Variants in NLGN4X observed in about 807,000 individuals in gnomAD.
NLGN4X encodes neuroligin-4, X-linked.
A neutral mutation model predicts 40.3 loss-of-function variants in NLGN4X; 3 were observed. The observed-to-expected ratio is 0.07, with a 90% CI of 0.03 to 0.19. The LOEUF is 0.19. Among genes scored for constraint, NLGN4X ranks in the 10% least tolerant of loss-of-function variants. NLGN4X has a pLI of 1.00. For synonymous variants in NLGN4X, 270 were observed against 306.8 expected, an observed-to-expected ratio of 0.88 and a Z score of 1.25; for missense variants, 382 against 708.3, an observed-to-expected ratio of 0.54 and a Z score of 5.23.
intron 3 of NLGN4X, among the ~76,000 whole-genome samples, chrX:5,928,367 C>A (rs772874490): frequency 9.8e-5 from 11 of 111,680 alleles, no homozygotes; most frequent in Non-Finnish European, 2.1e-4. Flanking sequence ...TACATGGACA[C>A]TGAATAAATG....
intron 2 of NLGN4X, among the ~76,000 whole-genome samples, chrX:6,053,743 G>C (rs748780196): frequency 8.9e-6 from 1 of 111,889 alleles, no homozygotes; most frequent in East Asian, 2.8e-4. Context: ...TTCAGTGCCT[G>C]GCACCATGCT....
chrX:6,173,606 G>A (rs2040656074), intron 1 of NLGN4X, among the ~76,000 whole-genome samples: 2 of 112,628 alleles, frequency 1.8e-5, no homozygotes, highest in Admixed American at 1.9e-4. Flanking sequence ...TGCTCAGAGA[G>A]GCCAAGAAGA....
At chrX:6,207,942 T>C (rs1371177449) in intron 1 of NLGN4X, among the ~76,000 whole-genome samples, 1 of 112,166 alleles carries the variant, frequency 8.9e-6, no homozygotes, top group African/African-American at 3.2e-5. Context: ...ATACATCTTT[T>C]AAAAACACAT....
At chrX:6,048,637 A>G (rs768170629) in intron 2 of NLGN4X, among the ~76,000 whole-genome samples, 2 of 111,878 alleles carry the variant, frequency 1.8e-5, no homozygotes, top group African/African-American at 6.5e-5. Context: ...AATGTGGTAC[A>G]TATACACCAT....
chrX:6,118,439 G>A (rs1017471831), intron 2 of NLGN4X, among the ~76,000 whole-genome samples: 1 of 111,632 alleles, frequency 9.0e-6, no homozygotes, highest in Non-Finnish European at 1.9e-5. Flanking sequence ...ACATGGCAAC[G>A]CAATTCTTCC....
At chrX:5,898,043 C>G (rs2031609232) in intron 5 of NLGN4X, among the ~76,000 whole-genome samples, 1 of 98,268 alleles carries the variant, frequency 1.0e-5, no homozygotes, top group Admixed American at 1.1e-4. Flanking sequence ...CTCTCTCCCT[C>G]CATTTTTTCC....
At chrX:6,117,438 C>T (rs780252928) in intron 2 of NLGN4X, among the ~76,000 whole-genome samples, 1 of 110,766 alleles carries the variant, frequency 9.0e-6, no homozygotes, top group Non-Finnish European at 1.9e-5. Context: ...TCCTAGTTAA[C>T]TCTTCTACAC....
intron 2 of NLGN4X, among the ~76,000 whole-genome samples, chrX:6,094,656 T>C (rs1216027981): frequency 3.6e-5 from 4 of 111,371 alleles, no homozygotes; most frequent in African/African-American, 1.3e-4. Context: ...GGGGGGATAC[T>C]AGACAGGGTA....
chrX:6,151,362 C>T lies in NLGN4X; in HGVS notation c.105G>A (p.Lys35=), dbSNP rs398124363. The T allele has an allele frequency of 2.4e-5, 29 of 1,209,846 alleles. No homozygotes were observed. In the South Asian group the frequency reaches 5.1e-4, roughly 21 times the overall value. ...VLLWLTALAI[K]FTLIDSQAQY... is the part of the protein sequence containing the mutation. ...GTGCTTGGCTGTCAATGAGGGTGAA[C>T]TTGATGGCAAGAGCAGTTAACCACA... Residue 35 remains lysine (K), a synonymous_variant, in exon 2 of 6, where the codon AAG becomes AAA. Transcript: ENST00000381095.
chrX:5,901,858 ATT>A (rs2031889821), intron 5 of NLGN4X, among the ~76,000 whole-genome samples: 1 of 107,513 alleles, frequency 9.3e-6, no homozygotes, highest in African/African-American at 3.3e-5. Flanking sequence ...ATACAAATAT[ATT>A]TGTGTGTATA....
At chrX:6,042,171 C>T (rs751939347) in intron 2 of NLGN4X, among the ~76,000 whole-genome samples, 1 of 111,555 alleles carries the variant, frequency 9.0e-6, no homozygotes, top group Admixed American at 9.6e-5. Flanking sequence ...TCTTGTTTTT[C>T]TCTTAGTAGC....
intron 1 of NLGN4X, among the ~76,000 whole-genome samples, chrX:6,184,581 T>C (rs773823036): frequency 6.3e-5 from 7 of 110,535 alleles, no homozygotes; most frequent in Non-Finnish European, 1.3e-4. Flanking sequence ...ACTCAATTGC[T>C]TCCAAGTTGC....
At chrX:5,931,195 A>G (rs1467840829) in intron 3 of NLGN4X, among the ~76,000 whole-genome samples, 1 of 112,088 alleles carries the variant, frequency 8.9e-6, no homozygotes, top group Admixed American at 9.5e-5. Context: ...TCATATTGCA[A>G]TAAAAAATAC....
At chrX:5,959,933 C>T (rs2034605646) in intron 3 of NLGN4X, among the ~76,000 whole-genome samples, 1 of 110,890 alleles carries the variant, frequency 9.0e-6, no homozygotes, top group African/African-American at 3.3e-5. Flanking sequence ...CCCCTGGAAC[C>T]CTGAGTTAAT....
At chrX:6,155,422 A>G (rs2040242494) in intron 1 of NLGN4X, among the ~76,000 whole-genome samples, 1 of 112,542 alleles carries the variant, frequency 8.9e-6, no homozygotes, top group Non-Finnish European at 1.9e-5. Flanking sequence ...TGCATAAGCT[A>G]CAGACATCTC....
chrX:6,040,969 ACTCT>A (rs1415848473), intron 2 of NLGN4X, among the ~76,000 whole-genome samples: 1 of 111,238 alleles, frequency 9.0e-6, no homozygotes, highest in Non-Finnish European at 1.9e-5. Context: ...TTTAGTGGTC[ACTCT>A]CAGCCCCTGG....
At chrX:6,177,505 T>C (rs773054354) in intron 1 of NLGN4X, among the ~76,000 whole-genome samples, 2 of 112,155 alleles carry the variant, frequency 1.8e-5, no homozygotes, top group East Asian at 5.6e-4. Context: ...TAGTATATCT[T>C]GACACGTGCA....
chrX:5,916,304 T>C (rs759765608), intron 3 of NLGN4X, among the ~76,000 whole-genome samples: 59 of 112,232 alleles, frequency 5.3e-4, no homozygotes, highest in Non-Finnish European at 9.9e-4. Context: ...ATGGATTGTC[T>C]TGGTTGGATC....
intron 2 of NLGN4X, among the ~76,000 whole-genome samples, chrX:6,093,906 GTAT>G (rs755915957): frequency 9.0e-6 from 1 of 111,385 alleles, no homozygotes; most frequent in Admixed American, 9.6e-5. Flanking sequence ...CAAATCAGTA[GTAT>G]TATAGGAAGA....
Sources: allele counts gnomAD v4.1 joint callset (sites outside exome capture counted in the v4.1 genomes callset), GRCh38; gene constraint gnomAD v4.1.1; transcripts MANE v1.5; gene names NCBI Gene and HGNC (gene_info 2026-07-23, HGNC 2026-07-21).